PTPRT: variants seen among roughly 807,000 people sequenced by gnomAD.
The protein encoded by PTPRT is protein tyrosine phosphatase receptor type T.
PTPRT carries 56 observed loss-of-function variants against 176.8 expected under a neutral mutation model. That is an observed-to-expected ratio of 0.32 (90% CI 0.26 to 0.40). The LOEUF (loss-of-function observed/expected upper bound fraction) is 0.40. PTPRT is among the 10% of genes least tolerant of loss of function. The pLI is 1.00. For missense variants in PTPRT, 1,540 were observed against 1,908.2 expected, an observed-to-expected ratio of 0.81 and a Z score of 3.60; for synonymous variants, 783 against 739.0, an observed-to-expected ratio of 1.06 and a Z score of -0.96.
At chr20:42,677,728 C>T (rs2075531237) in intron 7 of PTPRT, 138 bp downstream of exon 7, 3 of 1,025,768 alleles carry the variant, frequency 2.9e-6, no homozygotes, top group Admixed American at 5.2e-5. Flanking sequence ...AGGCCTTGAT[C>T]CTGTTTATCC....
intron 7 of PTPRT, among the ~76,000 whole-genome samples, chr20:42,613,542 G>A (rs1320027705): frequency 7.2e-5 from 11 of 152,194 alleles, no homozygotes; most frequent in Admixed American, 6.5e-4. Flanking sequence ...TGCCTAACAA[G>A]AAATGATTAT....
chr20:42,571,476 C>A (rs1001728032), intron 7 of PTPRT, among the ~76,000 whole-genome samples: 2 of 152,194 alleles, frequency 1.3e-5, no homozygotes, highest in African/African-American at 4.8e-5. Context: ...GCATTTCAGA[C>A]TTCTGATCTC....
intron 1 of PTPRT, among the ~76,000 whole-genome samples, chr20:42,890,881 T>C (rs1006776132): frequency 9.2e-5 from 14 of 152,162 alleles, no homozygotes; most frequent in African/African-American, 2.7e-4. Context: ...AATTGAATCA[T>C]AGGGGTGGTT....
intron 2 of PTPRT, among the ~76,000 whole-genome samples, chr20:42,819,265 G>T (rs1314555003): frequency 6.6e-6 from 1 of 152,110 alleles, no homozygotes; most frequent in Non-Finnish European, 1.5e-5. Flanking sequence ...TTAAAGAAAA[G>T]AATTTTCAAC....
In PTPRT at chr20:42,901,348, T is replaced by C. The variant is rs564436682; in HGVS notation, c.89-15416A>G. 4.6e-5 allele frequency among the ~76,000 whole-genome samples: 7 copies of C among 152,276 alleles called. No homozygotes were observed. The East Asian group carries it at 1.4e-3, about 29-fold the overall frequency. ...GTAAGACAGCACAGTGCCTGGCACA[T>C]AGCAAGCTCTCAACAAACATTAGTA... On this transcript the variant is annotated intron_variant, in intron 1 of 30. Transcript: ENST00000373187.
chr20:42,042,658 A>G, the PTPRT span, among the ~76,000 whole-genome samples: 1 of 152,190 alleles, frequency 6.6e-6, no homozygotes, highest in South Asian at 2.1e-4. Flanking sequence ...GAGAAGTCAA[A>G]TGTTTCTTCA....
chr20:43,045,237 C>A (rs964857217), intron 1 of PTPRT, among the ~76,000 whole-genome samples: 1 of 152,174 alleles, frequency 6.6e-6, no homozygotes, highest in East Asian at 1.9e-4. Context: ...GAGTTAGTAG[C>A]ATTCCTTCCA....
intron 11 of PTPRT, among the ~76,000 whole-genome samples, chr20:42,340,846 A>T (rs2058101376): frequency 1.3e-5 from 2 of 152,112 alleles, no homozygotes; most frequent in South Asian, 4.2e-4. Context: ...AGCAGAAAAA[A>T]AAGTTAGAGA....
intron 15 of PTPRT, among the ~76,000 whole-genome samples, chr20:42,235,251 T>TTTATTATTA (rs34004795): frequency 1.7e-4 from 26 of 150,492 alleles, no homozygotes; most frequent in African/African-American, 5.7e-4. Context: ...GTTGTTGTTA[T>TTTATTATTA]TTATTATTAT....
chr20:43,157,037 C>T lies in PTPRT; in HGVS notation c.88+32609G>A, dbSNP rs546815208. Among the ~76,000 whole-genome samples, 9 of 152,140 alleles carry T rather than the reference C, an allele frequency of 5.9e-5. No homozygotes were observed. The East Asian group carries it at 1.7e-3, about 29-fold the overall frequency. ...CCTATCACATGCCACTGTTTTAAGCCATTGGGACACAGCAATTAAAAAAAA... is the reference window on the plus strand; with the variant it reads ...CCTATCACATGCCACTGTTTTAAGCTATTGGGACACAGCAATTAAAAAAAA... On this transcript the variant is annotated intron_variant, in intron 1 of 30. Coordinates refer to ENST00000373187, the MANE Select transcript of PTPRT (RefSeq NM_007050.6).
chr20:42,699,739 G>A (rs1239653342), intron 6 of PTPRT, among the ~76,000 whole-genome samples: 1 of 152,102 alleles, frequency 6.6e-6, no homozygotes, highest in East Asian at 1.9e-4. Flanking sequence ...TCATCACAGG[G>A]CAGGGATTAT....
At chr20:42,707,385 G>T (rs776908082) in intron 6 of PTPRT, among the ~76,000 whole-genome samples, 1 of 152,146 alleles carries the variant, frequency 6.6e-6, no homozygotes, top group Non-Finnish European at 1.5e-5. Flanking sequence ...TGGCACCCTT[G>T]ACTCTAAGAA....
chr20:42,141,140 A>G (rs1415042949), intron 18 of PTPRT, among the ~76,000 whole-genome samples: 1 of 152,152 alleles, frequency 6.6e-6, no homozygotes, highest in Non-Finnish European at 1.5e-5. Flanking sequence ...TCTGCGTAAC[A>G]TGCCTTCCCC....
At chr20:42,751,909 A>T (rs2076775867) in intron 6 of PTPRT, among the ~76,000 whole-genome samples, 1 of 152,160 alleles carries the variant, frequency 6.6e-6, no homozygotes, top group South Asian at 2.1e-4. Flanking sequence ...CCCTGTGATC[A>T]TGTGAGTCAG....
At chr20:42,978,490 A>G (rs1347178631) in intron 1 of PTPRT, among the ~76,000 whole-genome samples, 1 of 152,226 alleles carries the variant, frequency 6.6e-6, no homozygotes, top group African/African-American at 2.4e-5. Flanking sequence ...CTAGATGAAC[A>G]TATCACTTTA....
Position 42,554,139 on chromosome 20 carries a change from G to T in PTPRT, c.1154-81577C>A, listed in dbSNP as rs117570221. 6.5e-3 allele frequency among the ~76,000 whole-genome samples: 987 copies of T among 152,204 alleles called. 8 individuals carry two copies. The highest frequency in any genetic ancestry group is 8.0e-3 in the Non-Finnish European group (547 of 68,020). On this transcript the variant is annotated intron_variant, in intron 7 of 30. Coordinates refer to ENST00000373187, the MANE Select transcript of PTPRT (RefSeq NM_007050.6). ...AAAAGAGTCCGTAATTGCCTACAGA[G>T]AGTCCTTGAATTTTGTTTCTTCAAC...
chr20:42,989,917 C>A (rs924986033), intron 1 of PTPRT, among the ~76,000 whole-genome samples: 1 of 152,214 alleles, frequency 6.6e-6, no homozygotes, highest in African/African-American at 2.4e-5. Context: ...TTGGGCTTCT[C>A]CCAATAACAC....
At chr20:42,727,496 G>T (rs6130197) in intron 6 of PTPRT, among the ~76,000 whole-genome samples, 1 of 152,162 alleles carries the variant, frequency 6.6e-6, no homozygotes, top group Non-Finnish European at 1.5e-5. Context: ...ATCTTTCTCA[G>T]GAGACTGTGG....
intron 17 of PTPRT, among the ~76,000 whole-genome samples, chr20:42,146,760 C>T (rs1373759550): frequency 6.6e-6 from 1 of 152,218 alleles, no homozygotes; most frequent in Non-Finnish European, 1.5e-5. Context: ...CTTGCCATTG[C>T]CTTCAGGATA....
Sources: allele counts gnomAD v4.1 joint callset (sites outside exome capture counted in the v4.1 genomes callset), GRCh38; gene constraint gnomAD v4.1.1; transcripts MANE v1.5; gene names NCBI Gene and HGNC (gene_info 2026-07-23, HGNC 2026-07-21).